Variants in MTUS2 observed in about 807,000 individuals in gnomAD.
The protein encoded by MTUS2 is microtubule-associated tumor suppressor candidate 2.
MTUS2 carries 40 observed loss-of-function variants against 114.1 expected under a neutral mutation model. That is an observed-to-expected ratio of 0.35 (90% confidence interval 0.27 to 0.46). The LOEUF (loss-of-function observed/expected upper bound fraction) is 0.46. Ranked by LOEUF, MTUS2 falls within the 20% of genes least tolerant of loss-of-function variation. The probability of loss-of-function intolerance (pLI) is 1.00; values close to 1 mark genes in which losing one functional copy is unlikely to be tolerated. For synonymous variants in MTUS2, 688 were observed against 672.0 expected (o/e 1.02, Z -0.37); for missense variants, 1,679 against 1,705.4 (o/e 0.98, Z 0.27).
intron 2 of MTUS2, among the ~76,000 whole-genome samples, chr13:28,916,714 C>T (rs1230976129): frequency 6.6e-6 from 1 of 151,536 alleles, no homozygotes; most frequent in Non-Finnish European, 1.5e-5. Context: ...CATCTACAAA[C>T]AAAAATAATT....
intron 7 of MTUS2, among the ~76,000 whole-genome samples, chr13:29,352,270 T>A (rs1182775235): frequency 6.6e-6 from 1 of 152,224 alleles, no homozygotes; most frequent in East Asian, 1.9e-4. Flanking sequence ...ATGGTGAAGG[T>A]GAGTGATGAT....
intron 7 of MTUS2, among the ~76,000 whole-genome samples, chr13:29,347,609 C>G (rs1400236323): frequency 6.6e-6 from 1 of 152,046 alleles, no homozygotes; most frequent in African/African-American, 2.4e-5. Context: ...CAATTATCCA[C>G]TTCTCTGTGG....
rs1868593016 is a variant in MTUS2, at chr13:29,345,690, A to G, written c.2906-13572A>G. Among the ~76,000 whole-genome samples, 3 of 152,008 alleles carry G rather than the reference A, an allele frequency of 2.0e-5. 1 individual carries two copies. In the South Asian group the frequency reaches 6.2e-4, roughly 31 times the overall value. On this transcript the variant is annotated intron_variant, in intron 7 of 15. Coordinates refer to ENST00000612955, the MANE Select transcript of MTUS2 (RefSeq NM_001033602.4). ...TTCTTCTTGGTTTGGCTCAATTGCT[A>G]GTGAGATAGTGTGATCTCTTGGGGA... is the stretch of plus-strand genomic sequence containing the variant.
chr13:29,132,543 A>G (rs563160813), intron 5 of MTUS2, among the ~76,000 whole-genome samples: 83 of 152,114 alleles, frequency 5.5e-4, no homozygotes, highest in Non-Finnish European at 1.0e-3. Flanking sequence ...GGAAACCACA[A>G]TTCTGCTTTC....
At chr13:29,144,430 C>G (rs547478714) in intron 5 of MTUS2, among the ~76,000 whole-genome samples, 1 of 150,840 alleles carries the variant, frequency 6.6e-6, no homozygotes, top group Non-Finnish European at 1.5e-5. Context: ...GTGGTGCAGT[C>G]GTGGCTCACT....
chr13:29,114,772 G>A (rs1435631284), intron 5 of MTUS2, among the ~76,000 whole-genome samples: 7 of 152,234 alleles, frequency 4.6e-5, no homozygotes, highest in Non-Finnish European at 1.0e-4. Flanking sequence ...GGGATGCAAT[G>A]AGGGTCAGAG....
chr13:28,919,715 C>G (rs1034896369), intron 2 of MTUS2, among the ~76,000 whole-genome samples: 2 of 152,048 alleles, frequency 1.3e-5, no homozygotes, highest in African/African-American at 2.4e-5. Flanking sequence ...TTAGATTTGC[C>G]TTTTTAAGGC....
intron 8 of MTUS2, among the ~76,000 whole-genome samples, chr13:29,373,373 T>G (rs9578094): frequency 0.2 from 30,960 of 152,062 alleles, 3,254 homozygotes; most frequent in Middle Eastern, 0.25. Flanking sequence ...GAAAAGTGCA[T>G]AGAGCAGGGT....
chr13:29,250,939 C>T (rs535199306), intron 5 of MTUS2, among the ~76,000 whole-genome samples: 1 of 152,188 alleles, frequency 6.6e-6, no homozygotes, highest in East Asian at 1.9e-4. Flanking sequence ...TTTTAAATAC[C>T]AGAGCAGCAC....
intron 2 of MTUS2, among the ~76,000 whole-genome samples, chr13:29,022,985 CAA>C (rs1886357507): frequency 6.6e-6 from 1 of 152,154 alleles, no homozygotes; most frequent in Admixed American, 6.5e-5. Context: ...CAGTGTCTAG[CAA>C]ATCTGAAAGT....
At chr13:29,124,514 C>A (rs1164477703) in intron 5 of MTUS2, among the ~76,000 whole-genome samples, 1 of 151,978 alleles carries the variant, frequency 6.6e-6, no homozygotes, top group Non-Finnish European at 1.5e-5. Context: ...CTATAGAAAA[C>A]AAGATGACAA....
chr13:28,954,664 T>C (rs551044046), intron 2 of MTUS2, among the ~76,000 whole-genome samples: 1 of 152,154 alleles, frequency 6.6e-6, no homozygotes, highest in East Asian at 1.9e-4. Context: ...ACAGGTGGAA[T>C]GGAAAAGGTG....
At chr13:29,434,112 A>G (rs750780314) in intron 8 of MTUS2, among the ~76,000 whole-genome samples, 1 of 152,172 alleles carries the variant, frequency 6.6e-6, no homozygotes, top group African/African-American at 2.4e-5. Flanking sequence ...ATTTACATAT[A>G]TATGTATTTT....
Position 29,084,793 on chromosome 13 carries a change from C to CA in MTUS2, c.2447-15979dup, listed in dbSNP as rs1555234192. Among the ~76,000 whole-genome samples the CA allele has an allele frequency of 7.8e-4, 58 of 74,156 alleles. 4 individuals carry two copies. The highest frequency in any genetic ancestry group is 1.5e-3 in the Non-Finnish European group (52 of 34,768). 48.6% of individuals were successfully genotyped at this position (74,156 alleles called of 152,430 possible). A position where few individuals can be genotyped will look rare whatever the true frequency, so the allele number is the denominator to read the frequency against. On this transcript the variant is annotated intron_variant, in intron 4 of 15. Transcript: ENST00000612955. ...CCTCAGGTGATCCACCCCCCCCCCTCACCGTTGGCCTTCCAAAGTGCTGGG... is the reference window on the plus strand; with the variant it reads ...CCTCAGGTGATCCACCCCCCCCCCTCAACCGTTGGCCTTCCAAAGTGCTGGG...
chr13:28,842,024 C>G (rs1006509089), intron 2 of MTUS2, among the ~76,000 whole-genome samples: 1 of 152,136 alleles, frequency 6.6e-6, no homozygotes, highest in Admixed American at 6.5e-5. Flanking sequence ...CCCCTTCTCC[C>G]CCATTCCCCT....
chr13:28,834,727 G>A (rs1874950389), intron 1 of MTUS2, among the ~76,000 whole-genome samples: 1 of 152,052 alleles, frequency 6.6e-6, no homozygotes, highest in African/African-American at 2.4e-5. Flanking sequence ...TCAAGAAAGA[G>A]AAAAGACAAC....
At chr13:28,829,149 CT>C (rs1874482818) in intron 1 of MTUS2, among the ~76,000 whole-genome samples, 1 of 152,150 alleles carries the variant, frequency 6.6e-6, no homozygotes, top group South Asian at 2.1e-4. Flanking sequence ...AGGACTGAAT[CT>C]CAGTAAGAAC....
chr13:28,999,238 C>T (rs930902599), intron 2 of MTUS2, among the ~76,000 whole-genome samples: 7 of 152,148 alleles, frequency 4.6e-5, no homozygotes, highest in African/African-American at 1.7e-4. Flanking sequence ...GCTGCCTGAT[C>T]GTTCCTCTGG....
intron 8 of MTUS2, among the ~76,000 whole-genome samples, chr13:29,430,262 A>C (rs1303987881): frequency 6.6e-6 from 1 of 152,210 alleles, no homozygotes; most frequent in Non-Finnish European, 1.5e-5. Context: ...TAGAGGCTGT[A>C]ATATGGAGGA....
Sources: gnomAD v4.1 joint callset for allele counts (sites outside exome capture counted in the v4.1 genomes callset) on GRCh38, gnomAD v4.1.1 for gene constraint, MANE v1.5 for transcripts, NCBI Gene and HGNC (gene_info 2026-07-23, HGNC 2026-07-21) for gene names.